Variants in IGSF21 observed in about 807,000 individuals in gnomAD.
The protein encoded by IGSF21 is immunoglobin superfamily member 21.
IGSF21 carries 28 observed loss-of-function variants against 46.8 expected under a neutral mutation model. The ratio of observed to expected loss-of-function variants is 0.60; its 90% CI spans 0.44 to 0.82. IGSF21 has a LOEUF of 0.82. IGSF21 is among the 40% of genes least tolerant of loss of function. The pLI is 0.00. For missense variants in IGSF21, 624 were observed against 665.5 expected (o/e 0.94, Z 0.69); for synonymous variants, 284 against 273.6 (o/e 1.04, Z -0.38).
At chr1:18,132,197 ATGGATGG>A (rs2086327949) in intron 1 of IGSF21, among the ~76,000 whole-genome samples, 1 of 152,014 alleles carries the variant, frequency 6.6e-6, no homozygotes, top group African/African-American at 2.4e-5. Context: ...GGATGGATGG[ATGGATGG>A]AATGATAGTA....
intron 2 of IGSF21, among the ~76,000 whole-genome samples, chr1:18,282,229 C>T (rs1052312742): frequency 7.2e-5 from 11 of 152,076 alleles, no homozygotes; most frequent in East Asian, 1.9e-4. Context: ...GACCTGATGA[C>T]GCTTGTTAAA....
At chr1:18,149,032 A>G (rs2086496479) in intron 1 of IGSF21, among the ~76,000 whole-genome samples, 1 of 152,222 alleles carries the variant, frequency 6.6e-6, no homozygotes, top group Admixed American at 6.5e-5. Context: ...GTCTGGCGGC[A>G]TCCCGGAGAC....
chr1:18,274,768 G>C (rs2085083269), intron 2 of IGSF21, among the ~76,000 whole-genome samples: 1 of 152,228 alleles, frequency 6.6e-6, no homozygotes. Context: ...GCTCGCACTT[G>C]TAATCCCAGC....
intron 4 of IGSF21, among the ~76,000 whole-genome samples, chr1:18,360,271 G>C (rs1031444109): frequency 6.6e-6 from 1 of 152,112 alleles, no homozygotes; most frequent in Non-Finnish European, 1.5e-5. Context: ...TGTTTTATGC[G>C]ATCTTACGCT....
chr1:18,159,169 T>G lies in IGSF21; in HGVS notation c.70+50971T>G, dbSNP rs577429314. On this transcript the variant is annotated intron_variant, in intron 1 of 9. Transcript: ENST00000251296. Reference sequence around the variant, plus strand: ...GTTCTATTGACCCACTAGCCTGGTGTCCAGCACAGCTCCGGAACCTGAGAA... The same window carrying G: ...GTTCTATTGACCCACTAGCCTGGTGGCCAGCACAGCTCCGGAACCTGAGAA... 2.6e-5 allele frequency among the ~76,000 whole-genome samples: 4 copies of G among 152,350 alleles called. No homozygotes were observed. In the East Asian group the frequency reaches 7.7e-4, roughly 29 times the overall value.
At chr1:18,127,244 A>G (rs1377383333) in intron 1 of IGSF21, among the ~76,000 whole-genome samples, 1 of 152,182 alleles carries the variant, frequency 6.6e-6, no homozygotes, top group Non-Finnish European at 1.5e-5. Flanking sequence ...AGAGGAATGA[A>G]CATACAGATA....
intron 2 of IGSF21, among the ~76,000 whole-genome samples, chr1:18,273,063 T>TTTTTTTG (rs1353067677): frequency 6.7e-6 from 1 of 148,440 alleles, no homozygotes. Context: ...TTTTTTTTTT[T>TTTTTTTG]TAGATGGAGT....
chr1:18,163,255 T>C (rs1364653734), intron 1 of IGSF21, among the ~76,000 whole-genome samples: 1 of 150,114 alleles, frequency 6.7e-6, no homozygotes, highest in African/African-American at 2.4e-5. Flanking sequence ...AAAAAGGCAA[T>C]GTGGCAGGCC....
intron 1 of IGSF21, among the ~76,000 whole-genome samples, chr1:18,188,814 C>T (rs572756495): frequency 6.6e-5 from 10 of 152,356 alleles, no homozygotes; most frequent in Non-Finnish European, 1.3e-4. Flanking sequence ...CATAGCCAGA[C>T]GTGTCAGAGC....
At chr1:18,185,503 G>A (rs2086895171) in intron 1 of IGSF21, among the ~76,000 whole-genome samples, 1 of 152,218 alleles carries the variant, frequency 6.6e-6, no homozygotes, top group South Asian at 2.1e-4. Flanking sequence ...CTCAGGCATT[G>A]CTCGGGCATT....
intron 2 of IGSF21, among the ~76,000 whole-genome samples, chr1:18,233,687 G>A (rs1481283399): frequency 6.6e-6 from 1 of 152,148 alleles, no homozygotes; most frequent in Non-Finnish European, 1.5e-5. Context: ...TAGAATAAGA[G>A]GGGAAGGTAT....
At chr1:18,233,717 T>C in intron 2 of IGSF21, among the ~76,000 whole-genome samples, 1 of 152,074 alleles carries the variant, frequency 6.6e-6, no homozygotes, top group Non-Finnish European at 1.5e-5. Flanking sequence ...ATCACCACGG[T>C]TAGATTCCTT....
At chr1:18,258,977 T>G (rs2084916370) in intron 2 of IGSF21, among the ~76,000 whole-genome samples, 1 of 152,174 alleles carries the variant, frequency 6.6e-6, no homozygotes, top group Non-Finnish European at 1.5e-5. Context: ...GTCCAGCCCT[T>G]TTTTCCCTCT....
At chr1:18,197,990 G>T (rs1330445431) in intron 1 of IGSF21, among the ~76,000 whole-genome samples, 1 of 152,146 alleles carries the variant, frequency 6.6e-6, no homozygotes, top group Admixed American at 6.5e-5. Context: ...TAGAGGGGAT[G>T]GGGATTTAAA....
At chr1:18,293,992 A>G (rs2085290355) in intron 3 of IGSF21, among the ~76,000 whole-genome samples, 1 of 152,190 alleles carries the variant, frequency 6.6e-6, no homozygotes, top group Admixed American at 6.5e-5. Flanking sequence ...TGCCTACTGT[A>G]TGACCTGGGA....
At chr1:18,315,792 G>A (rs1286080580) in intron 3 of IGSF21, among the ~76,000 whole-genome samples, 1 of 147,928 alleles carries the variant, frequency 6.8e-6, no homozygotes, top group African/African-American at 2.5e-5. Context: ...AGAAGTGAAT[G>A]AATGGATGGA....
At chr1:18,127,928 A>C (rs1019332316) in intron 1 of IGSF21, among the ~76,000 whole-genome samples, 13 of 152,030 alleles carry the variant, frequency 8.6e-5, no homozygotes, top group African/African-American at 2.7e-4. Flanking sequence ...AATGGGGGTG[A>C]AGCTGAACAT....
intron 4 of IGSF21, among the ~76,000 whole-genome samples, chr1:18,355,647 G>T (rs1248811374): frequency 6.6e-6 from 1 of 151,662 alleles, no homozygotes; most frequent in Non-Finnish European, 1.5e-5. Flanking sequence ...TGGTTTGATT[G>T]GGGGTAGGGG....
chr1:18,148,754 TATC>T (rs2086493628), intron 1 of IGSF21, among the ~76,000 whole-genome samples: 1 of 152,140 alleles, frequency 6.6e-6, no homozygotes, highest in African/African-American at 2.4e-5. Flanking sequence ...CCCTCAGAGA[TATC>T]ATATCATCGC....
Sources: gnomAD v4.1 joint callset for allele counts (sites outside exome capture counted in the v4.1 genomes callset) on GRCh38, gnomAD v4.1.1 for gene constraint, MANE v1.5 for transcripts, NCBI Gene and HGNC (gene_info 2026-07-23, HGNC 2026-07-21) for gene names.